THEMIS: variants seen among roughly 807,000 people sequenced by gnomAD.
THEMIS encodes the protein thymocyte selection associated, also known as protein THEMIS.
Under a neutral mutation model 52.6 loss-of-function variants are expected in THEMIS, and 37 were observed. The ratio of observed to expected loss-of-function variants is 0.70; its 90% CI spans 0.54 to 0.93. THEMIS has a LOEUF of 0.93. Among genes scored for constraint, THEMIS ranks in the 40% least tolerant of loss-of-function variants. The pLI is 0.00. For synonymous variants in THEMIS, 292 were observed against 272.7 expected (o/e 1.07, Z -0.70); for missense variants, 808 against 763.1 (o/e 1.06, Z -0.69).
At chr6:127,747,680 A>AT (rs1775497237) in intron 4 of THEMIS, among the ~76,000 whole-genome samples, 1 of 151,956 alleles carries the variant, frequency 6.6e-6, no homozygotes, top group Admixed American at 6.6e-5. Flanking sequence ...CTCATAAGAT[A>AT]AAGTTATTTT....
intron 4 of THEMIS, among the ~76,000 whole-genome samples, chr6:127,792,003 C>T (rs558818285): frequency 2.0e-5 from 3 of 152,300 alleles, no homozygotes; most frequent in African/African-American, 7.2e-5. Context: ...CCTGAGTCCA[C>T]AGCTGGCTGC....
At chr6:127,915,511 A>G (rs1240520203) in intron 1 of THEMIS, among the ~76,000 whole-genome samples, 3 of 151,764 alleles carry the variant, frequency 2.0e-5, no homozygotes, top group East Asian at 3.9e-4. Context: ...AGGCAGGGCA[A>G]ATAAAGATGA....
At chr6:127,805,839 G>A (rs915823283) in intron 4 of THEMIS, among the ~76,000 whole-genome samples, 1 of 152,064 alleles carries the variant, frequency 6.6e-6, no homozygotes, top group African/African-American at 2.4e-5. Flanking sequence ...TTTAGGCAAG[G>A]TTTTATTCTA....
At chr6:127,872,608 A>C (rs1780191160) in intron 1 of THEMIS, among the ~76,000 whole-genome samples, 1 of 152,058 alleles carries the variant, frequency 6.6e-6, no homozygotes, top group Non-Finnish European at 1.5e-5. Flanking sequence ...AGTACAGAGA[A>C]ATTGCTTAAA....
chr6:127,767,043 A>T (rs757310255), intron 4 of THEMIS, among the ~76,000 whole-genome samples: 1 of 152,182 alleles, frequency 6.6e-6, no homozygotes. Context: ...TGTTAATAAC[A>T]TAACTTAAAA....
intron 3 of THEMIS, among the ~76,000 whole-genome samples, chr6:127,816,923 C>G (rs1778155366): frequency 6.6e-6 from 1 of 152,164 alleles, no homozygotes; most frequent in Non-Finnish European, 1.5e-5. Context: ...ATACTTCAGC[C>G]AGATATGTTC....
chr6:127,877,123 C>T (rs1036698345), intron 1 of THEMIS, among the ~76,000 whole-genome samples: 3 of 152,168 alleles, frequency 2.0e-5, no homozygotes, highest in South Asian at 2.1e-4. Context: ...TCTGAGTCTT[C>T]AGAGAGTCAT....
At chr6:127,800,034 T>C (rs1314048538) in intron 4 of THEMIS, among the ~76,000 whole-genome samples, 1 of 152,224 alleles carries the variant, frequency 6.6e-6, no homozygotes, top group Non-Finnish European at 1.5e-5. Context: ...TAAAATGTTG[T>C]TCATTATTTA....
At chr6:127,738,147 T>G (rs1370045298) in intron 4 of THEMIS, among the ~76,000 whole-genome samples, 1 of 152,154 alleles carries the variant, frequency 6.6e-6, no homozygotes, top group African/African-American at 2.4e-5. Context: ...TAATATAGTA[T>G]GCTGTAATTC....
Position 127,722,236 on chromosome 6 carries a change from T to A in THEMIS, c.1759-2413A>T, listed in dbSNP as rs1414892695. On this transcript the variant is annotated intron_variant, in intron 4 of 5. Transcript: ENST00000368248. ...AGCTTCTCTTTTACATTACATATTATAGCCAGGCTGCTGTTCCCAGGTCCT... is the reference window on the plus strand; with the variant it reads ...AGCTTCTCTTTTACATTACATATTAAAGCCAGGCTGCTGTTCCCAGGTCCT... Among the ~76,000 whole-genome samples the A allele has an allele frequency of 2.0e-5, 3 of 152,004 alleles. No homozygotes were observed. In the East Asian group the frequency reaches 5.8e-4, roughly 30 times the overall value.
At chr6:127,824,799 C>T (rs2114645447) in intron 3 of THEMIS, among the ~76,000 whole-genome samples, 1 of 152,258 alleles carries the variant, frequency 6.6e-6, no homozygotes, top group Admixed American at 6.5e-5. Context: ...GTGGCAGGCG[C>T]CTGTAGTCCC....
At chr6:127,850,445 A>G (rs1302665204) in intron 2 of THEMIS, among the ~76,000 whole-genome samples, 1 of 151,946 alleles carries the variant, frequency 6.6e-6, no homozygotes, top group African/African-American at 2.4e-5. Flanking sequence ...ACACATGTTT[A>G]TAACAGCACA....
intron 4 of THEMIS, among the ~76,000 whole-genome samples, chr6:127,772,316 A>G (rs1044692301): frequency 6.6e-6 from 1 of 151,694 alleles, no homozygotes; most frequent in Non-Finnish European, 1.5e-5. Flanking sequence ...TATTTTTTTC[A>G]TTTTTGCCCC....
At chr6:127,843,297 G>A (rs900526553) in intron 2 of THEMIS, among the ~76,000 whole-genome samples, 2 of 150,642 alleles carry the variant, frequency 1.3e-5, no homozygotes. Context: ...CTATGATTAA[G>A]CAAGAAGTGC....
chr6:127,824,355 A>C (rs1778434435), intron 3 of THEMIS, among the ~76,000 whole-genome samples: 1 of 152,104 alleles, frequency 6.6e-6, no homozygotes, highest in African/African-American at 2.4e-5. Flanking sequence ...AAGATACCAC[A>C]AAGATTCTTC....
chr6:127,720,801 T>C (rs968982234), intron 4 of THEMIS, among the ~76,000 whole-genome samples: 1 of 151,978 alleles, frequency 6.6e-6, no homozygotes. Flanking sequence ...ATAATTCACT[T>C]GAGTTAACAA....
chr6:127,727,608 G>T (rs1382808602), intron 4 of THEMIS, among the ~76,000 whole-genome samples: 1 of 152,040 alleles, frequency 6.6e-6, no homozygotes, highest in East Asian at 1.9e-4. Context: ...GTCTTTAAAA[G>T]GTAAATGTCC....
chr6:127,872,290 C>G (rs116469886), intron 1 of THEMIS, among the ~76,000 whole-genome samples: 2,091 of 152,140 alleles, frequency 0.014, 52 homozygotes, highest in African/African-American at 0.048. Flanking sequence ...CAAACTCTTA[C>G]GCTGGGAGTG....
intron 3 of THEMIS, among the ~76,000 whole-genome samples, chr6:127,818,582 C>CA (rs201551010): frequency 0.18 from 20,151 of 110,722 alleles, 1,711 homozygotes; most frequent in East Asian, 0.42. Context: ...GTCTGGCTTT[C>CA]AAAAAAAAAA....
Sources: allele counts gnomAD v4.1 joint callset (sites outside exome capture counted in the v4.1 genomes callset), GRCh38; gene constraint gnomAD v4.1.1; transcripts MANE v1.5; gene names NCBI Gene and HGNC (gene_info 2026-07-23, HGNC 2026-07-21).